ARHGEF12: variants seen among roughly 807,000 people sequenced by gnomAD.
The protein encoded by ARHGEF12 is KMT2A/ARHGEF12 fusion protein.
In ARHGEF12, 66 loss-of-function variants were observed where a neutral mutation model predicts 211.2. That is an observed-to-expected ratio of 0.31 (90% CI 0.26 to 0.38). The LOEUF is 0.38. Ranked by LOEUF, ARHGEF12 falls within the 10% of genes least tolerant of loss-of-function variation. The pLI is 1.00. For missense variants in ARHGEF12, 1,429 were observed against 1,869.5 expected (o/e 0.76, Z 4.34); for synonymous variants, 592 against 638.4 (o/e 0.93, Z 1.09).
intron 33 of ARHGEF12, chr11:120,476,115 G>C (rs990957000): frequency 6.6e-6 from 1 of 152,564 alleles, no homozygotes; most frequent in African/African-American, 2.4e-5. Context: ...CTGTCACCCA[G>C]GCTGGAGTGC....
chr11:120,464,480 G>T (rs1222713050), intron 27 of ARHGEF12: 1 of 152,062 alleles, frequency 6.6e-6, no homozygotes, highest in Non-Finnish European at 1.5e-5. Flanking sequence ...TACTTGGGAG[G>T]CTGAGACAGG....
chr11:120,481,173 T>G (rs1947223861), intron 38 of ARHGEF12, 87 bp from the exon 39 acceptor site: 1 of 1,254,784 alleles, frequency 8.0e-7, no homozygotes, highest in South Asian at 1.4e-5. Context: ...TAATAACTTT[T>G]CAAGTTGAAG....
intron 7 of ARHGEF12, among the ~76,000 whole-genome samples, chr11:120,427,289 G>C (rs1238973941): frequency 6.6e-6 from 1 of 151,974 alleles, no homozygotes; most frequent in Non-Finnish European, 1.5e-5. Flanking sequence ...TATTGATTGT[G>C]TTTTTCCCTG....
At chr11:120,432,060 T>A in intron 11 of ARHGEF12, 149 bp downstream of exon 11, 1 of 726,274 alleles carries the variant, frequency 1.4e-6, no homozygotes, top group Non-Finnish European at 2.0e-6. Context: ...AACAGAAATC[T>A]GGTTACTGTT....
intron 1 of ARHGEF12, among the ~76,000 whole-genome samples, chr11:120,382,064 A>C (rs1203442460): frequency 6.6e-6 from 1 of 152,172 alleles, no homozygotes; most frequent in African/African-American, 2.4e-5. Flanking sequence ...TGGATGAATC[A>C]TAATTTGTTT....
chr11:120,454,794 A>G (rs1946316294), intron 22 of ARHGEF12, among the ~76,000 whole-genome samples: 2 of 152,208 alleles, frequency 1.3e-5, no homozygotes, highest in Admixed American at 6.5e-5. Flanking sequence ...TGAGTGTTCC[A>G]TGAAATGGTA....
chr11:120,453,335 G>A (rs965262914), intron 22 of ARHGEF12, among the ~76,000 whole-genome samples: 4 of 152,130 alleles, frequency 2.6e-5, no homozygotes, highest in African/African-American at 7.2e-5. Flanking sequence ...CGGATGAACA[G>A]AAACCATAAA....
chr11:120,340,827 AGTACAT>A (rs1331606795), intron 1 of ARHGEF12, among the ~76,000 whole-genome samples: 1 of 152,232 alleles, frequency 6.6e-6, no homozygotes, highest in African/African-American at 2.4e-5. Context: ...GGTATGCAAT[AGTACAT>A]TCACTTGTAC....
At chr11:120,362,316 A>T (rs944646191) in intron 1 of ARHGEF12, among the ~76,000 whole-genome samples, 1 of 152,198 alleles carries the variant, frequency 6.6e-6, no homozygotes, top group African/African-American at 2.4e-5. Flanking sequence ...TTTCAATACT[A>T]AGTTGAAATT....
chr11:120,345,713 AAAAAAAAACG>A (rs1160374678), intron 1 of ARHGEF12, among the ~76,000 whole-genome samples: 1 of 151,454 alleles, frequency 6.6e-6, no homozygotes, highest in Non-Finnish European at 1.5e-5. Context: ...AAAAAAAAAA[AAAAAAAAACG>A]AAATGGCGTA....
chr11:120,371,292 C>T (rs140461318), intron 1 of ARHGEF12, among the ~76,000 whole-genome samples: 1 of 152,240 alleles, frequency 6.6e-6, no homozygotes, highest in African/African-American at 2.4e-5. Flanking sequence ...AGTTTGAGAC[C>T]AGCCTGACCA....
chr11:120,444,690 A>G (rs1200166067), intron 15 of ARHGEF12, among the ~76,000 whole-genome samples: 2 of 152,186 alleles, frequency 1.3e-5, no homozygotes, highest in East Asian at 1.9e-4. Flanking sequence ...AGGTTAAGAT[A>G]TTTTCTCTTA....
chr11:120,420,738 G>A lies in ARHGEF12; in HGVS notation c.200-15G>A. On this transcript the variant is annotated splice_polypyrimidine_tract_variant and intron_variant, in intron 4 of 40. Transcript: ENST00000397843. ...TTTCTCTTCCTTCTTGTTTTACACT[G>A]TGGTTCTTGTGCAGGTCTTGTTCAG... The A allele has an allele frequency of 6.2e-7, 1 of 1,605,868 alleles. No homozygotes were observed. Among genetic ancestry groups the A allele is most frequent in the Non-Finnish European group, 8.5e-7 (1 of 1,172,958 alleles).
At chr11:120,410,671 A>G (rs192314374) in intron 4 of ARHGEF12, 8 of 152,328 alleles carry the variant, frequency 5.3e-5, no homozygotes, top group Non-Finnish European at 7.3e-5. Flanking sequence ...TGTTAGATAT[A>G]TACACATAGT....
chr11:120,343,523 A>G (rs1385843512), intron 1 of ARHGEF12, among the ~76,000 whole-genome samples: 1 of 152,358 alleles, frequency 6.6e-6, no homozygotes, highest in South Asian at 2.1e-4. Context: ...GAAAAAATAC[A>G]CTAACTTTAC....
chr11:120,377,529 G>A (rs1197077448), intron 1 of ARHGEF12, among the ~76,000 whole-genome samples: 1 of 152,062 alleles, frequency 6.6e-6, no homozygotes, highest in Non-Finnish European at 1.5e-5. Flanking sequence ...ATTTTGTAGA[G>A]ATGGGGTCTT....
chr11:120,350,987 G>T (rs1244312724), intron 1 of ARHGEF12, among the ~76,000 whole-genome samples: 1 of 152,136 alleles, frequency 6.6e-6, no homozygotes, highest in Admixed American at 6.6e-5. Flanking sequence ...ATGATTACTT[G>T]TTGCTCTAAT....
At chr11:120,484,661 G>A (rs2136030632) in intron 40 of ARHGEF12, among the ~76,000 whole-genome samples, 154 bp downstream of exon 40, 1 of 152,332 alleles carries the variant, frequency 6.6e-6, no homozygotes, top group Non-Finnish European at 1.5e-5. Flanking sequence ...TCAAGCGGAA[G>A]CTCATGCCTG....
intron 1 of ARHGEF12, among the ~76,000 whole-genome samples, chr11:120,402,571 C>A (rs374235281): frequency 6.6e-6 from 1 of 152,044 alleles, no homozygotes; most frequent in Admixed American, 6.5e-5. Flanking sequence ...TTTGTTTAAC[C>A]ATCTCCCCTT....
Sources: gnomAD v4.1 joint callset for allele counts (sites outside exome capture counted in the v4.1 genomes callset) on GRCh38, gnomAD v4.1.1 for gene constraint, MANE v1.5 for transcripts, NCBI Gene and HGNC (gene_info 2026-07-23, HGNC 2026-07-21) for gene names.